Variants in PLEKHM3 observed in about 807,000 individuals in gnomAD.
PLEKHM3 encodes pleckstrin homology domain containing M3.
Under a neutral mutation model 81.8 loss-of-function variants are expected in PLEKHM3, and 45 were observed. That is an observed-to-expected ratio of 0.55 (90% confidence interval 0.43 to 0.71). The LOEUF (loss-of-function observed/expected upper bound fraction) is 0.71. Ranked by LOEUF, PLEKHM3 falls within the 30% of genes least tolerant of loss-of-function variation. PLEKHM3 has a pLI of 0.00. For synonymous variants in PLEKHM3, 352 were observed against 356.4 expected (o/e 0.99, Z 0.14); for missense variants, 788 against 924.3 (o/e 0.85, Z 1.91).
At chr2:207,996,331 T>C (rs993440210) in intron 2 of PLEKHM3, among the ~76,000 whole-genome samples, 3 of 152,080 alleles carry the variant, frequency 2.0e-5, no homozygotes, top group Admixed American at 2.0e-4. Flanking sequence ...CAAATGGTGA[T>C]GTGAAGGTGG....
intron 3 of PLEKHM3, among the ~76,000 whole-genome samples, chr2:207,974,299 A>C (rs1481907139): frequency 6.6e-6 from 1 of 152,040 alleles, no homozygotes; most frequent in Admixed American, 6.6e-5. Context: ...GATGCGAATG[A>C]GCTTGCTGAA....
At chr2:208,021,711 G>A (rs1304368897) in intron 1 of PLEKHM3, among the ~76,000 whole-genome samples, 1 of 152,164 alleles carries the variant, frequency 6.6e-6, no homozygotes, top group Non-Finnish European at 1.5e-5. Context: ...AATAAACAAT[G>A]CCTATTCACC....
At chr2:207,906,987 C>T (rs534672755) in intron 6 of PLEKHM3, among the ~76,000 whole-genome samples, 11 of 152,102 alleles carry the variant, frequency 7.2e-5, no homozygotes, top group African/African-American at 2.4e-4. Flanking sequence ...AAAACAACAA[C>T]GAAAGAACAG....
intron 2 of PLEKHM3, among the ~76,000 whole-genome samples, chr2:207,979,801 C>A (rs1691460593): frequency 6.6e-6 from 1 of 151,972 alleles, no homozygotes; most frequent in African/African-American, 2.4e-5. Flanking sequence ...AATAGCAAAC[C>A]AAAAGAGAAA....
chr2:207,971,191 A>G (rs1043872791), intron 3 of PLEKHM3, among the ~76,000 whole-genome samples: 1 of 152,178 alleles, frequency 6.6e-6, no homozygotes, highest in African/African-American at 2.4e-5. Flanking sequence ...TATAGTACTC[A>G]ATTGCAAGGT....
intron 7 of PLEKHM3, among the ~76,000 whole-genome samples, chr2:207,847,860 T>C (rs1242035492): frequency 1.3e-5 from 2 of 152,270 alleles, no homozygotes; most frequent in South Asian, 2.1e-4. Flanking sequence ...AAAAATGGCA[T>C]ATACATTGGG....
intron 5 of PLEKHM3, among the ~76,000 whole-genome samples, chr2:207,924,588 G>A (rs1438020453): frequency 2.0e-5 from 3 of 152,158 alleles, no homozygotes; most frequent in African/African-American, 4.8e-5. Flanking sequence ...AGGAGGCTGA[G>A]GCAGGAGAAT....
chr2:207,871,994 A>G (rs2092537368), intron 6 of PLEKHM3, among the ~76,000 whole-genome samples: 1 of 152,214 alleles, frequency 6.6e-6, no homozygotes, highest in Admixed American at 6.5e-5. Context: ...GTAAATGAGG[A>G]AAAGTTCTAA....
chr2:207,899,790 T>C (rs1688357941), intron 6 of PLEKHM3, among the ~76,000 whole-genome samples: 1 of 152,180 alleles, frequency 6.6e-6, no homozygotes, highest in Non-Finnish European at 1.5e-5. Flanking sequence ...AAAATTTTCT[T>C]TAGCTTGCCC....
intron 2 of PLEKHM3, among the ~76,000 whole-genome samples, chr2:207,999,626 G>T (rs1465161095): frequency 6.6e-6 from 1 of 151,970 alleles, no homozygotes; most frequent in East Asian, 1.9e-4. Context: ...TTTAAAAGAA[G>T]AAAAAATACA....
intron 7 of PLEKHM3, among the ~76,000 whole-genome samples, chr2:207,834,369 A>G (rs2092306058): frequency 6.6e-6 from 1 of 151,040 alleles, no homozygotes; most frequent in Admixed American, 6.6e-5. Flanking sequence ...ACCTCAGGTG[A>G]TCCGCCCACC....
At chr2:208,003,738 A>G (rs1350837372) in intron 1 of PLEKHM3, among the ~76,000 whole-genome samples, 1 of 152,206 alleles carries the variant, frequency 6.6e-6, no homozygotes, top group African/African-American at 2.4e-5. Flanking sequence ...CTCTCCAACT[A>G]TGTAACAGGG....
intron 5 of PLEKHM3, among the ~76,000 whole-genome samples, chr2:207,920,694 A>G (rs1275725958): frequency 6.6e-6 from 1 of 151,320 alleles, no homozygotes; most frequent in Non-Finnish European, 1.5e-5. Flanking sequence ...CTTACGTGAA[A>G]TGATGGTGAG....
chr2:207,868,213 G>A (rs2092512655), intron 6 of PLEKHM3, among the ~76,000 whole-genome samples: 1 of 152,128 alleles, frequency 6.6e-6, no homozygotes, highest in Non-Finnish European at 1.5e-5. Context: ...GATCAAGCCA[G>A]GACCAACTAG....
rs189605614 is a variant in PLEKHM3 at position 207,889,872 on chromosome 2, C to T, written c.1950+18642G>A. 7.7e-3 allele frequency among the ~76,000 whole-genome samples: 1,172 copies of T among 152,196 alleles called. 10 individuals carry two copies. The highest frequency in any genetic ancestry group is 0.025 in the African/African-American group (1,049 of 41,518). ...AGGCTTGAGTGCAGTGGCTTGATCTCGGCTCACCGCAACCTCTGTCTCCCG... is the reference window on the plus strand; with the variant it reads ...AGGCTTGAGTGCAGTGGCTTGATCTTGGCTCACCGCAACCTCTGTCTCCCG... On this transcript the variant is annotated intron_variant, in intron 6 of 7. Coordinates refer to ENST00000427836, the MANE Select transcript of PLEKHM3 (RefSeq NM_001080475.3).
intron 1 of PLEKHM3, among the ~76,000 whole-genome samples, chr2:208,014,560 CT>C (rs1692815275): frequency 6.6e-6 from 1 of 152,228 alleles, no homozygotes. Context: ...AGGAGAATCA[CT>C]TGAACTTGGG....
chr2:207,848,244 C>T (rs1359441177), intron 7 of PLEKHM3, among the ~76,000 whole-genome samples: 1 of 152,150 alleles, frequency 6.6e-6, no homozygotes, highest in Non-Finnish European at 1.5e-5. Flanking sequence ...CCTTCCCCAC[C>T]AAAAAATTTT....
intron 2 of PLEKHM3, among the ~76,000 whole-genome samples, chr2:207,994,991 C>T (rs1322154560): frequency 6.6e-6 from 1 of 152,122 alleles, no homozygotes. Context: ...AACAAACTGG[C>T]ACGTTCTGCG....
chr2:207,877,505 G>A (rs2092565139), intron 6 of PLEKHM3, among the ~76,000 whole-genome samples: 2 of 152,156 alleles, frequency 1.3e-5, no homozygotes, highest in Non-Finnish European at 1.5e-5. Flanking sequence ...CTTCATGAAT[G>A]TGACTAATTG....
Sources: gnomAD v4.1 joint callset for allele counts (sites outside exome capture counted in the v4.1 genomes callset) on GRCh38, gnomAD v4.1.1 for gene constraint, MANE v1.5 for transcripts, NCBI Gene and HGNC (gene_info 2026-07-23, HGNC 2026-07-21) for gene names.